Variants in LOC400499 observed in about 807,000 individuals in gnomAD.
the LOC400499 span, chr16:11,384,969 G>A: frequency 8.1e-7 from 1 of 1,232,232 alleles, no homozygotes; most frequent in Non-Finnish European, 1.0e-6. Flanking sequence ...TCGCTGGCCA[G>A]CTCAATCCTG....
At chr16:11,523,409 G>A in the LOC400499 span, 1 of 398,750 alleles carries the variant, frequency 2.5e-6, no homozygotes, top group Non-Finnish European at 4.4e-6. Flanking sequence ...CGTCCTGAGA[G>A]AATCACTCAC....
At chr16:11,457,027 C>A in the LOC400499 span, 2 of 1,528,030 alleles carry the variant, frequency 1.3e-6, no homozygotes, top group Admixed American at 2.0e-5. Flanking sequence ...CTCTCAGGCA[C>A]CTGCAGCACA....
the LOC400499 span, among the ~76,000 whole-genome samples, chr16:11,454,121 A>G: frequency 6.6e-6 from 1 of 152,264 alleles, no homozygotes; most frequent in Non-Finnish European, 1.5e-5. Context: ...GGTCACATAC[A>G]AAAGATGATA....
At chr16:11,521,684 C>G in the LOC400499 span, among the ~76,000 whole-genome samples, 2 of 152,168 alleles carry the variant, frequency 1.3e-5, no homozygotes, top group Admixed American at 1.3e-4. Context: ...TGGCTCTTCT[C>G]ACTCCACGAA....
the LOC400499 span, among the ~76,000 whole-genome samples, chr16:11,385,802 A>G: frequency 1.3e-5 from 2 of 152,230 alleles, no homozygotes; most frequent in Non-Finnish European, 2.9e-5. Flanking sequence ...TGGGGTGATG[A>G]AAATGTTTTA....
At chr16:11,435,618 CTG>C in the LOC400499 span, 1 of 399,208 alleles carries the variant, frequency 2.5e-6, no homozygotes, top group African/African-American at 2.1e-5. Flanking sequence ...CTTTTGGCCT[CTG>C]TGGTCTCCCT....
chr16:11,487,880 G>T, the LOC400499 span, among the ~76,000 whole-genome samples: 1,170 of 152,192 alleles, frequency 7.7e-3, 15 homozygotes, highest in African/African-American at 0.027. Context: ...TTGGGAGGCC[G>T]AGGTAGGCAA....
the LOC400499 span, among the ~76,000 whole-genome samples, chr16:11,513,183 T>C: frequency 3.9e-5 from 6 of 152,090 alleles, no homozygotes; most frequent in Admixed American, 3.3e-4. Flanking sequence ...GTGGAAGGAT[T>C]ATTTGAGCCC....
At chr16:11,428,973 C>T in the LOC400499 span, among the ~76,000 whole-genome samples, 1 of 151,930 alleles carries the variant, frequency 6.6e-6, no homozygotes, top group Non-Finnish European at 1.5e-5. Flanking sequence ...GGGACTCCCA[C>T]GGGGCAAATC....
At chr16:11,473,780 A>G in the LOC400499 span, among the ~76,000 whole-genome samples, 1 of 151,842 alleles carries the variant, frequency 6.6e-6, no homozygotes, top group African/African-American at 2.4e-5. Flanking sequence ...GTTATGCGAT[A>G]TGTCAATAAC....
chr16:11,519,350 G>A, the LOC400499 span, among the ~76,000 whole-genome samples: 1 of 152,152 alleles, frequency 6.6e-6, no homozygotes, highest in Non-Finnish European at 1.5e-5. Context: ...GGGTGTGTGT[G>A]GTGGATGAGT....
At chr16:11,422,934 G>C in the LOC400499 span, among the ~76,000 whole-genome samples, 1 of 152,188 alleles carries the variant, frequency 6.6e-6, no homozygotes, top group Admixed American at 6.5e-5. Context: ...GTTTACCTGT[G>C]TTTGCAGATG....
At chr16:11,511,327 A>G in the LOC400499 span, among the ~76,000 whole-genome samples, 1 of 152,034 alleles carries the variant, frequency 6.6e-6, no homozygotes, top group Non-Finnish European at 1.5e-5. Context: ...CCCATAACCT[A>G]TGGGGTAAGG....
chr16:11,487,323 G>C, the LOC400499 span: 1 of 399,508 alleles, frequency 2.5e-6, no homozygotes, highest in East Asian at 3.6e-5. Flanking sequence ...GGCAGAACGG[G>C]GAAGAAAGGA....
chr16:11,510,113 T>C, the LOC400499 span, among the ~76,000 whole-genome samples: 2 of 151,784 alleles, frequency 1.3e-5, no homozygotes, highest in Non-Finnish European at 2.9e-5. Context: ...CACACAGCCA[T>C]GGTGTTAAAC....
At chr16:11,511,599 A>G in the LOC400499 span, among the ~76,000 whole-genome samples, 1 of 152,232 alleles carries the variant, frequency 6.6e-6, no homozygotes, top group Non-Finnish European at 1.5e-5. Flanking sequence ...AAAAGGGCAC[A>G]CTTTATGACC....
the LOC400499 span, among the ~76,000 whole-genome samples, chr16:11,375,732 A>ATTTTTTTTT: frequency 7.7e-6 from 1 of 130,674 alleles, no homozygotes. Flanking sequence ...TCCTTTGTAC[A>ATTTTTTTTT]TTTTTTTTTT....
the LOC400499 span, chr16:11,390,227 G>A: frequency 8.1e-7 from 1 of 1,232,458 alleles, no homozygotes; most frequent in Non-Finnish European, 1.0e-6. Flanking sequence ...GACAGTGAGA[G>A]CTGGCTCAGT....
chr16:11,407,088 C>T, the LOC400499 span: 6 of 396,056 alleles, frequency 1.5e-5, no homozygotes, highest in Non-Finnish European at 2.7e-5. Flanking sequence ...ACAGCCTTGT[C>T]TGTCCTTCCG....
Sources: gnomAD v4.1 joint callset for allele counts (sites outside exome capture counted in the v4.1 genomes callset) on GRCh38, gnomAD v4.1.1 for gene constraint, MANE v1.5 for transcripts.